Variants in DPF3 observed in about 807,000 individuals in gnomAD.
The protein encoded by DPF3 is double PHD fingers 3, also known as zinc finger protein DPF3.
In DPF3, 18 loss-of-function variants were observed where a neutral mutation model predicts 56.8. The observed-to-expected ratio is 0.32, with a 90% CI of 0.22 to 0.47. The LOEUF is 0.47. DPF3 is among the 20% of genes least tolerant of loss of function. The probability of loss-of-function intolerance (pLI) is 1.00; values close to 1 mark genes in which losing one functional copy is unlikely to be tolerated. For synonymous variants in DPF3, 188 were observed against 180.2 expected (o/e 1.04, Z -0.35); for missense variants, 403 against 488.8 (o/e 0.82, Z 1.65).
chr14:72,880,314 A>T (rs1407774982), intron 1 of DPF3, among the ~76,000 whole-genome samples: 1 of 152,228 alleles, frequency 6.6e-6, no homozygotes, highest in Admixed American at 6.5e-5. Flanking sequence ...ATGTGGATTC[A>T]AGTCACCCAG....
chr14:72,691,081 A>T (rs902193650), intron 7 of DPF3, among the ~76,000 whole-genome samples: 1 of 152,116 alleles, frequency 6.6e-6, no homozygotes. Flanking sequence ...CAGAGAGAAG[A>T]CCTCAGTGTT....
chr14:72,881,361 G>A (rs2140124394), intron 1 of DPF3, among the ~76,000 whole-genome samples: 1 of 152,100 alleles, frequency 6.6e-6, no homozygotes, highest in South Asian at 2.1e-4. Flanking sequence ...TTAACACAAA[G>A]CTCAGAAACT....
chr14:72,727,885 C>T (rs1889473701), intron 4 of DPF3, among the ~76,000 whole-genome samples: 2 of 152,188 alleles, frequency 1.3e-5, no homozygotes, highest in South Asian at 4.1e-4. Flanking sequence ...TCAATAAAAA[C>T]ACGTAAACTC....
At chr14:72,693,308 C>T (rs1166559312) in intron 6 of DPF3, 95 bp from the exon 7 acceptor site, 2 of 1,394,928 alleles carry the variant, frequency 1.4e-6, no homozygotes, top group East Asian at 2.5e-5. Flanking sequence ...CCCATCCATC[C>T]ACCCCAGAGC....
intron 1 of DPF3, among the ~76,000 whole-genome samples, chr14:72,798,789 CG>C (rs1892741262): frequency 6.6e-6 from 1 of 152,178 alleles, no homozygotes; most frequent in South Asian, 2.1e-4. Flanking sequence ...AGCTGAGCTC[CG>C]AGCCCAGGTC....
In DPF3 at chr14:72,804,749, T is replaced by C. The variant is rs1172293140; in HGVS notation, c.33-32856A>G. On this transcript the variant is annotated intron_variant, in intron 1 of 10. Transcript: ENST00000556509. ...AATCTGATTCAACTGAGTGAAATCA[T>C]TTCATTAATAGAGATTCCTTCTCAC... Among the ~76,000 whole-genome samples, 11 of 152,282 alleles carry C rather than the reference T, an allele frequency of 7.2e-5. No individual in the cohort carries two copies. The East Asian group carries it at 2.1e-3, about 29-fold the overall frequency.
At chr14:72,740,523 T>C (rs1890080513) in intron 3 of DPF3, among the ~76,000 whole-genome samples, 1 of 152,108 alleles carries the variant, frequency 6.6e-6, no homozygotes, top group South Asian at 2.1e-4. Flanking sequence ...TGGGGAGCAG[T>C]GCCCTGAGCA....
At chr14:72,864,035 A>T (rs78798677) in intron 1 of DPF3, among the ~76,000 whole-genome samples, 1,641 of 152,256 alleles carry the variant, frequency 0.011, 41 homozygotes, top group East Asian at 0.074. Flanking sequence ...GTGGAATGGG[A>T]GGCTGAAATG....
chr14:72,709,820 T>G (rs552517022), intron 6 of DPF3, among the ~76,000 whole-genome samples: 1 of 151,790 alleles, frequency 6.6e-6, no homozygotes, highest in South Asian at 2.1e-4. Flanking sequence ...GGTGTGGGGG[T>G]TTACAGAAAT....
intron 2 of DPF3, among the ~76,000 whole-genome samples, chr14:72,760,880 T>A (rs1891041764): frequency 6.6e-6 from 1 of 151,996 alleles, no homozygotes; most frequent in Admixed American, 6.6e-5. Context: ...AGTAAAAGAA[T>A]GGAAAAAGAT....
At position 72,798,804 on chromosome 14, in the gene DPF3, C is replaced by T. The variant is rs116149709; in HGVS notation, c.33-26911G>A. The stretch of plus-strand genomic sequence containing the variant: ...AGCTGAGCTCCGAGCCCAGGTCTGG[C>T]ACTGCTAAATGGAAATCCTTCATCT... On this transcript the variant is annotated intron_variant, in intron 1 of 10. Coordinates refer to ENST00000556509, the MANE Select transcript of DPF3 (RefSeq NM_001280542.3). Among the ~76,000 whole-genome samples the T allele has an allele frequency of 5.7e-3, 873 of 152,334 alleles. 8 individuals are homozygous for T. The highest frequency in any genetic ancestry group is 0.02 in the African/African-American group (832 of 41,582).
chr14:72,650,584 C>G (rs1407447123), intron 8 of DPF3, among the ~76,000 whole-genome samples: 1 of 152,238 alleles, frequency 6.6e-6, no homozygotes, highest in Non-Finnish European at 1.5e-5. Context: ...CTGTGGCCAA[C>G]ACAGCCTCAT....
At chr14:72,735,038 A>G (rs1191449586) in intron 3 of DPF3, among the ~76,000 whole-genome samples, 2 of 152,088 alleles carry the variant, frequency 1.3e-5, no homozygotes. Flanking sequence ...GATATCACAC[A>G]GCTGGTAAGG....
intron 1 of DPF3, among the ~76,000 whole-genome samples, chr14:72,851,410 A>G (rs1884980004): frequency 6.6e-6 from 1 of 152,240 alleles, no homozygotes. Flanking sequence ...ACACGGCACT[A>G]TCTGGATCTT....
intron 4 of DPF3, among the ~76,000 whole-genome samples, chr14:72,724,714 T>TG (rs1323095855): frequency 2.5e-4 from 37 of 148,918 alleles, no homozygotes; most frequent in Middle Eastern, 3.4e-3. Context: ...TTTGTTTGTT[T>TG]TTTTTTTTTT....
At chr14:72,719,189 C>T (rs1002505433) in intron 5 of DPF3, among the ~76,000 whole-genome samples, 1 of 151,640 alleles carries the variant, frequency 6.6e-6, no homozygotes, top group East Asian at 1.9e-4. Context: ...CCCACCTCAG[C>T]CTCCCAAGTA....
At chr14:72,661,770 A>C in intron 8 of DPF3, 2 of 985,230 alleles carry the variant, frequency 2.0e-6, no homozygotes, top group Non-Finnish European at 2.4e-6. Flanking sequence ...AAGCCAGCTC[A>C]GCAGAAGGTT....
intron 6 of DPF3, among the ~76,000 whole-genome samples, chr14:72,712,762 T>C (rs1888710853): frequency 1.3e-5 from 2 of 152,080 alleles, no homozygotes; most frequent in Admixed American, 1.3e-4. Context: ...AGCTACTGCG[T>C]ATGCTGAGGC....
At chr14:72,746,070 G>GCA (rs1890310896) in intron 3 of DPF3, among the ~76,000 whole-genome samples, 1 of 152,168 alleles carries the variant, frequency 6.6e-6, no homozygotes, top group African/African-American at 2.4e-5. Context: ...ACCAGAAAGG[G>GCA]CATCATACGT....
Sources: gnomAD v4.1 joint callset for allele counts (sites outside exome capture counted in the v4.1 genomes callset) on GRCh38, gnomAD v4.1.1 for gene constraint, MANE v1.5 for transcripts, NCBI Gene and HGNC (gene_info 2026-07-23, HGNC 2026-07-21) for gene names.